AMD1: variants seen among roughly 807,000 people sequenced by gnomAD.
The protein encoded by AMD1 is adenosylmethionine decarboxylase 1.
Under a neutral mutation model 40.2 loss-of-function variants are expected in AMD1, and 11 were observed. The observed-to-expected ratio is 0.27, with a 90% confidence interval of 0.17 to 0.45. The LOEUF is 0.45. AMD1 is among the 20% of genes least tolerant of loss of function. The pLI is 1.00. For missense variants in AMD1, 257 were observed against 410.2 expected, an observed-to-expected ratio of 0.63 and a Z score of 3.23; for synonymous variants, 121 against 130.8, an observed-to-expected ratio of 0.93 and a Z score of 0.51.
rs1376905554 is a variant in AMD1, at chr6:110,892,830, G to A, written c.708+3G>A. ...CGATGAATGGAATGAAATCGGATGT[G>A]AGTAGTTATATATTGCTTCAATAAT... On this transcript the variant is annotated splice_donor_region_variant and intron_variant, in intron 7 of 8. Coordinates refer to ENST00000368885, the MANE Select transcript of AMD1 (RefSeq NM_001634.6). 1 of 1,613,604 alleles carries A rather than the reference G, an allele frequency of 6.2e-7. No individual in the cohort carries two copies. Among genetic ancestry groups the A allele is most frequent in the East Asian group, 2.2e-5 (1 of 44,882 alleles).
At chr6:110,858,547 G>A in the AMD1 span, 5 of 1,600,740 alleles carry the variant, frequency 3.1e-6, no homozygotes, top group Non-Finnish European at 4.3e-6. Context: ...TGAACACCGT[G>A]GACCTGTTCG....
At chr6:110,869,733 TC>T in the AMD1 span, among the ~76,000 whole-genome samples, 1 of 151,640 alleles carries the variant, frequency 6.6e-6, no homozygotes, top group Non-Finnish European at 1.5e-5. Context: ...GGTCTCAAAC[TC>T]CCGACCTCAG....
At chr6:110,841,408 C>T in the AMD1 span, among the ~76,000 whole-genome samples, 1 of 152,186 alleles carries the variant, frequency 6.6e-6, no homozygotes. Context: ...TGTCCTTGTA[C>T]TTTAACCAAG....
At chr6:110,863,514 C>T in the AMD1 span, among the ~76,000 whole-genome samples, 1 of 151,602 alleles carries the variant, frequency 6.6e-6, no homozygotes, top group African/African-American at 2.4e-5. Context: ...GGATCACAGG[C>T]GTCTGCCACC....
intron 1 of AMD1, 84 bp from the exon 2 acceptor site, chr6:110,887,421 A>G (rs1000735631): frequency 2.1e-6 from 2 of 933,844 alleles, no homozygotes; most frequent in South Asian, 1.7e-5. Flanking sequence ...TGTGGTCTTC[A>G]TGAGAAAAAG....
the AMD1 span, among the ~76,000 whole-genome samples, chr6:110,852,156 G>GATCCTCCCT: frequency 1.4e-4 from 19 of 135,296 alleles, no homozygotes; most frequent in Admixed American, 1.4e-3. Flanking sequence ...AGCCTCAGGT[G>GATCCTCCCT]ATCCTCCCTA....
At chr6:110,865,219 G>A in the AMD1 span, among the ~76,000 whole-genome samples, 408 of 152,250 alleles carry the variant, frequency 2.7e-3, no homozygotes, top group Non-Finnish European at 4.8e-3. Flanking sequence ...CTTTTCTTAG[G>A]ACACCAGAGA....
At chr6:110,837,377 T>C in the AMD1 span, among the ~76,000 whole-genome samples, 1 of 150,548 alleles carries the variant, frequency 6.6e-6, no homozygotes, top group Non-Finnish European at 1.5e-5. Flanking sequence ...CAGGTTACAA[T>C]AATTCTGGCA....
At chr6:110,861,143 G>A in the AMD1 span, among the ~76,000 whole-genome samples, 15 of 152,132 alleles carry the variant, frequency 9.9e-5, no homozygotes, top group African/African-American at 3.6e-4. Flanking sequence ...CGGATCACGA[G>A]GTCAGGAGAT....
chr6:110,859,271 C>T, the AMD1 span: 38 of 373,798 alleles, frequency 1.0e-4, no homozygotes, highest in Non-Finnish European at 1.7e-4. Flanking sequence ...CTGTGAGTGG[C>T]GGTGTGGGAT....
the AMD1 span, among the ~76,000 whole-genome samples, chr6:110,821,814 A>G: frequency 6.6e-6 from 1 of 152,200 alleles, no homozygotes; most frequent in Admixed American, 6.5e-5. Flanking sequence ...GGATACAGCA[A>G]AAGCAGTTCT....
chr6:110,815,251 G>GCGCGCGCGC, the AMD1 span: 2 of 1,198,732 alleles, frequency 1.7e-6, no homozygotes, highest in African/African-American at 3.4e-5. Context: ...TCGCGCGCGC[G>GCGCGCGCGC]CGCGCGCCGC....
chr6:110,847,480 G>A, the AMD1 span, among the ~76,000 whole-genome samples: 2 of 151,440 alleles, frequency 1.3e-5, no homozygotes, highest in Non-Finnish European at 2.9e-5. Flanking sequence ...AGCCGAGATC[G>A]CGCCACTGCA....
the AMD1 span, among the ~76,000 whole-genome samples, chr6:110,842,100 G>T: frequency 2.0e-5 from 3 of 152,084 alleles, no homozygotes; most frequent in Admixed American, 6.6e-5. Flanking sequence ...ATCTAGCCCG[G>T]CAAAACATTT....
At chr6:110,829,478 G>A in the AMD1 span, among the ~76,000 whole-genome samples, 4 of 151,608 alleles carry the variant, frequency 2.6e-5, no homozygotes, top group Admixed American at 2.6e-4. Flanking sequence ...AGGAGATCGA[G>A]ACCATCCTGG....
chr6:110,822,774 A>G, the AMD1 span, among the ~76,000 whole-genome samples: 1 of 152,224 alleles, frequency 6.6e-6, no homozygotes, highest in Non-Finnish European at 1.5e-5. Context: ...GGAATGGTTC[A>G]ATATACACAA....
the AMD1 span, among the ~76,000 whole-genome samples, chr6:110,867,048 C>G: frequency 6.6e-6 from 1 of 151,906 alleles, no homozygotes; most frequent in Non-Finnish European, 1.5e-5. Flanking sequence ...CTCCTGACCT[C>G]GTGATCCACC....
intron 1 of AMD1, among the ~76,000 whole-genome samples, chr6:110,885,624 A>G (rs1785638634): frequency 6.6e-6 from 1 of 152,180 alleles, no homozygotes. Flanking sequence ...GTCACAGTAT[A>G]TATCCCACAT....
the AMD1 span, among the ~76,000 whole-genome samples, chr6:110,867,755 A>G: frequency 6.6e-6 from 1 of 152,252 alleles, no homozygotes; most frequent in South Asian, 2.1e-4. Flanking sequence ...AAAAACATTC[A>G]TAGAGGCTGT....
Sources: allele counts gnomAD v4.1 joint callset (sites outside exome capture counted in the v4.1 genomes callset), GRCh38; gene constraint gnomAD v4.1.1; transcripts MANE v1.5; gene names NCBI Gene and HGNC (gene_info 2026-07-23, HGNC 2026-07-21).